The following TIMM44 variants were observed in gnomAD, a reference collection of about 807,000 sequenced individuals.
TIMM44 encodes translocase of inner mitochondrial membrane 44, also known as mitochondrial import inner membrane translocase subunit TIM44.
A neutral mutation model predicts 63.8 loss-of-function variants in TIMM44; 37 were observed. The observed-to-expected ratio is 0.58, with a 90% CI of 0.45 to 0.76. TIMM44 has a LOEUF of 0.76. Among genes scored for constraint, TIMM44 ranks in the 30% least tolerant of loss-of-function variants. TIMM44 has a pLI of 0.00. For missense variants in TIMM44, 573 were observed against 603.8 expected (o/e 0.95, Z 0.54); for synonymous variants, 239 against 245.1 (o/e 0.98, Z 0.23).
Position 7,938,051 on chromosome 19 carries a change from C to T in TIMM44, c.288G>A (p.Val96=). 1 of 1,614,030 alleles carries T rather than the reference C, an allele frequency of 6.2e-7. No homozygotes were observed. The highest frequency in any genetic ancestry group is 8.5e-7 in the Non-Finnish European group (1 of 1,180,006). Reference sequence around the variant, plus strand: ...CGTATTTCCTTCTGGCCTCCTGGAGCACGTCTGATTCTTCTAGCCTTCTGG... The same window carrying T: ...CGTATTTCCTTCTGGCCTCCTGGAGTACGTCTGATTCTTCTAGCCTTCTGG... The part of the protein sequence containing the change: ...DEARRLEESD[V]LQEARRKYKT... Residue 96 remains valine (V), a synonymous_variant, in exon 3 of 13, where the codon GTG becomes GTA. Coordinates refer to ENST00000270538, the MANE Select transcript of TIMM44 (RefSeq NM_006351.4).
rs1316082001 is a variant in TIMM44, at chr19:7,927,610, G to A, written c.1239+47C>T. ...GCCAGGTGGCCACACACAGATCTTG[G>A]GGACAGGCGGTGTCATGTGCCTGCC... On this transcript the variant is annotated intron_variant, in intron 12 of 12. Coordinates refer to ENST00000270538, the MANE Select transcript of TIMM44 (RefSeq NM_006351.4). 7 of 1,565,816 alleles carry A rather than the reference G, an allele frequency of 4.5e-6. No homozygotes were observed. In the East Asian group the frequency reaches 1.6e-4, roughly 35 times the overall value.
rs569020591 is a variant in TIMM44 at position 7,928,516 on chromosome 19, T to C, written c.1039-350A>G. On this transcript the variant is annotated intron_variant, in intron 10 of 12. Transcript: ENST00000270538. ...TTCCATATTCGCCGCACTCTGAATC[T>C]TGGCCTGAGATCAAACGCCTCTTCT... 1.4e-5 allele frequency: 4 copies of C among 284,480 alleles called. No individual in the cohort carries two copies. The Admixed American group carries it at 1.9e-4, about 14-fold the overall frequency. 17.6% of individuals were successfully genotyped at this position (284,480 alleles called of 1,614,324 possible).
rs1222621041 is a variant in TIMM44, at chr19:7,929,096, G to A, written c.1039-930C>T. Among the ~76,000 whole-genome samples, 4 of 152,112 alleles carry A rather than the reference G, an allele frequency of 2.6e-5. No homozygotes were observed. In the South Asian group the frequency reaches 6.2e-4, roughly 24 times the overall value. On this transcript the variant is annotated intron_variant, in intron 10 of 12. Coordinates refer to ENST00000270538, the MANE Select transcript of TIMM44 (RefSeq NM_006351.4). ...AATTAGCCAAGAACGATTCTGGATCGCTTAATACGAAGAAGCCAGGGGAAA... is the reference window on the plus strand; with the variant it reads ...AATTAGCCAAGAACGATTCTGGATCACTTAATACGAAGAAGCCAGGGGAAA...
chr19:7,927,042 G>A lies in TIMM44; in HGVS notation c.*145C>T, dbSNP rs1983827002. On this transcript the variant is annotated 3_prime_UTR_variant, in exon 13 of 13. Coordinates refer to ENST00000270538, the MANE Select transcript of TIMM44 (RefSeq NM_006351.4). ...GCAACAGCCCGTTGTCCCCTCCCGG[G>A]CCAGCTGGTCTTGCAGCCGTCCTGG... The A allele has an allele frequency of 2.4e-6, 3 of 1,248,500 alleles. No individual in the cohort carries two copies. The highest frequency in any genetic ancestry group is 3.4e-6 in the Non-Finnish European group (3 of 895,042). 77.3% of individuals were successfully genotyped at this position (1,248,500 alleles called of 1,614,324 possible). A position where few individuals can be genotyped will look rare whatever the true frequency, so the allele number is the denominator to read the frequency against.
intron 1 of TIMM44, among the ~76,000 whole-genome samples, chr19:7,941,521 C>G (rs565311002): frequency 6.6e-6 from 1 of 152,104 alleles, no homozygotes; most frequent in Non-Finnish European, 1.5e-5. Flanking sequence ...CTCCTGACCT[C>G]AGGTGATCCA....
In TIMM44 at chr19:7,932,846, A is replaced by G. The variant is rs1296862378; in HGVS notation, c.856T>C (p.Leu286=). ...CCAGGGATGACTCACTCACCCAGCA[A>G]GTCGGTGACCTTGTCCGTAAGGGCC... The part of the protein sequence containing the change: ...SRALTDKVTD[L]LGGLFSKTEM... Residue 286 remains leucine, a synonymous_variant, in exon 8 of 13, where the codon TTG becomes CTG. Transcript: ENST00000270538. 1 of 1,614,190 alleles carries G rather than the reference A, an allele frequency of 6.2e-7. No individual in the cohort carries two copies. Among genetic ancestry groups the G allele is most frequent in the Non-Finnish European group, 8.5e-7 (1 of 1,180,022 alleles).
chr19:7,939,612 CAAA>C (rs34322159), intron 2 of TIMM44, among the ~76,000 whole-genome samples: 88 of 91,176 alleles, frequency 9.7e-4, no homozygotes, highest in Non-Finnish European at 1.3e-3. Flanking sequence ...GACTCCATCT[CAAA>C]AAAAAAAAAA....
Position 7,933,679 on chromosome 19 carries a change from A to T in TIMM44, c.684-109T>A. On this transcript the variant is annotated intron_variant, in intron 6 of 12. Coordinates refer to ENST00000270538, the MANE Select transcript of TIMM44 (RefSeq NM_006351.4). The surrounding 1 kb of genome is among the most constrained non-coding windows in gnomAD (Gnocchi z 4.3). ...CAGGACAGCAGGCAGCTGAGACCTC[A>T]AACCTAGGGGCTCTGAGGACCCCGC... The T allele has an allele frequency of 7.6e-7, 1 of 1,308,906 alleles. No individual in the cohort carries two copies. 81.1% of individuals were successfully genotyped at this position (1,308,906 alleles called of 1,614,324 possible).
At chr19:7,931,350 C>A in intron 9 of TIMM44, 162 bp from the exon 10 acceptor site, 1 of 711,940 alleles carries the variant, frequency 1.4e-6, no homozygotes. Flanking sequence ...TGGGTGTCCC[C>A]CCCAGGCCCG....
Position 7,940,248 on chromosome 19 carries a change from C to A in TIMM44, c.141+854G>T, listed in dbSNP as rs547609265. Among the ~76,000 whole-genome samples the A allele has an allele frequency of 3.5e-3, 538 of 151,632 alleles. 2 individuals are homozygous for A. Among genetic ancestry groups the A allele is most frequent in the African/African-American group, 0.012 (514 of 41,440 alleles). ...ACCCTATCTTAAAAAAAAAAAAAAG[C>A]CCAGTGCTGCTCCCCAGGACAGGTG... On this transcript the variant is annotated intron_variant, in intron 2 of 12. Transcript: ENST00000270538.
chr19:7,927,889 C>G, intron 11 of TIMM44, 122 bp from the exon 12 acceptor site: 1 of 1,163,806 alleles, frequency 8.6e-7, no homozygotes, highest in Non-Finnish European at 1.2e-6. Flanking sequence ...CAGCACCGGT[C>G]CCTCCCCGTG....
Position 7,943,503 on chromosome 19 carries a change from C to A in TIMM44, c.45+104G>T. The A allele has an allele frequency of 2.2e-6, 3 of 1,337,400 alleles. No individual in the cohort carries two copies. Among genetic ancestry groups the A allele is most frequent in the Non-Finnish European group, 2.1e-6 (2 of 966,128 alleles). 82.8% of individuals were successfully genotyped at this position (1,337,400 alleles called of 1,614,324 possible). On this transcript the variant is annotated intron_variant, in intron 1 of 12. Coordinates refer to ENST00000270538, the MANE Select transcript of TIMM44 (RefSeq NM_006351.4). This position sits in a 1 kb window ranked among gnomAD's most constrained non-coding sequence, Gnocchi z 4.3. The stretch of plus-strand genomic sequence containing the variant: ...TCTAACCCCAAGCTTTCTAAGGAGC[C>A]CAAGCAAGGGTCGCGAAGGCCAAGG...
At position 7,932,614 on chromosome 19, in the gene TIMM44, G is replaced by A. The variant is rs1023360593; in HGVS notation, c.987+13C>T. On this transcript the variant is annotated intron_variant, in intron 9 of 12. Transcript: ENST00000270538. ...CTGCCGCCTGGGAGGGGTCCTGGGG[G>A]TGTGGCACCCACCTCCAGGACATTG... 3 of 1,612,622 alleles carry A rather than the reference G, an allele frequency of 1.9e-6. No individual in the cohort carries two copies. The highest frequency in any genetic ancestry group is 2.7e-5 in the African/African-American group (2 of 74,926).
chr19:7,941,413 G>A (rs943448840), intron 1 of TIMM44, among the ~76,000 whole-genome samples: 8 of 151,238 alleles, frequency 5.3e-5, no homozygotes, highest in Non-Finnish European at 1.2e-4. Context: ...TCAGTCTCCC[G>A]AGTAGCTGGA....
chr19:7,927,903 C>A, intron 11 of TIMM44, 136 bp from the exon 12 acceptor site: 1 of 1,127,734 alleles, frequency 8.9e-7, no homozygotes, highest in Non-Finnish European at 1.3e-6. Context: ...CCCCGTGGGC[C>A]TTGCCTCTCA....
chr19:7,927,608 TG>T, intron 12 of TIMM44, 48 bp downstream of exon 12: 1 of 1,562,180 alleles, frequency 6.4e-7, no homozygotes. Context: ...ACACAGATCT[TG>T]GGGACAGGCG....
rs1984360244 is a variant in TIMM44, at chr19:7,943,254, G to A, written c.45+353C>T. Among the ~76,000 whole-genome samples, 2 of 152,100 alleles carry A rather than the reference G, an allele frequency of 1.3e-5. No individual in the cohort carries two copies. The highest frequency in any genetic ancestry group is 4.1e-4 in the South Asian group (2 of 4,822). Reference sequence around the variant, plus strand: ...TAGAGAACTTGGCATTTAACCGCGAGCTGTGAATTTCACGTTTTTTTGCCT... The same window carrying A: ...TAGAGAACTTGGCATTTAACCGCGAACTGTGAATTTCACGTTTTTTTGCCT... On this transcript the variant is annotated intron_variant, in intron 1 of 12. Coordinates refer to ENST00000270538, the MANE Select transcript of TIMM44 (RefSeq NM_006351.4). The surrounding 1 kb of genome is among the most constrained non-coding windows in gnomAD (Gnocchi z 4.3).
rs898332914 is a variant in TIMM44, at chr19:7,930,912, T to C, written c.1038+226A>G. ...AGTCTGGGAGCAAAGGACTGGCGGGTGACCCGGTGTCCAGCCTGAGAGCCC... is the reference window on the plus strand; with the variant it reads ...AGTCTGGGAGCAAAGGACTGGCGGGCGACCCGGTGTCCAGCCTGAGAGCCC... On this transcript the variant is annotated intron_variant, in intron 10 of 12. Coordinates refer to ENST00000270538, the MANE Select transcript of TIMM44 (RefSeq NM_006351.4). 2.0e-5 allele frequency among the ~76,000 whole-genome samples: 3 copies of C among 151,324 alleles called. No individual in the cohort carries two copies. The South Asian group carries it at 6.3e-4, about 32-fold the overall frequency.
At chr19:7,942,930 C>G (rs1342343065) in intron 1 of TIMM44, among the ~76,000 whole-genome samples, 1 of 149,028 alleles carries the variant, frequency 6.7e-6, no homozygotes, top group Non-Finnish European at 1.5e-5. Flanking sequence ...CCACCTGAGG[C>G]TGAGGCAGGA....
Sources: allele counts gnomAD v4.1 joint callset (sites outside exome capture counted in the v4.1 genomes callset), GRCh38; gene constraint gnomAD v4.1.1; non-coding constraint Gnocchi (gnomAD v3.1); transcripts MANE v1.5; gene names NCBI Gene and HGNC (gene_info 2026-07-23, HGNC 2026-07-21).